The following CLTB variants were observed in gnomAD, a reference collection of about 807,000 sequenced individuals.
CLTB encodes clathrin light chain B.
A neutral mutation model predicts 30.5 loss-of-function variants in CLTB; 10 were observed. The ratio of observed to expected loss-of-function variants is 0.33; its 90% CI spans 0.20 to 0.56. CLTB has a LOEUF of 0.56. CLTB is among the 20% of genes least tolerant of loss of function. CLTB has a pLI of 0.91. For synonymous variants in CLTB, 102 were observed against 120.3 expected, an observed-to-expected ratio of 0.85 and a Z score of 1.00; for missense variants, 261 against 308.3, an observed-to-expected ratio of 0.85 and a Z score of 1.15.
Position 176,397,603 on chromosome 5 carries a change from TC to T in CLTB, c.464+3del, listed in dbSNP as rs767999789. 7.1e-7 allele frequency: 1 copy of T among 1,407,410 alleles called. No homozygotes were observed. Among genetic ancestry groups the T allele is most frequent in the Admixed American group, 1.9e-5 (1 of 51,330 alleles). The allele number at this position is 1,407,410 out of a possible 1,614,324, so 87.2% of individuals were successfully genotyped here. On this transcript the variant is annotated splice_donor_region_variant and intron_variant, in intron 4 of 5. Coordinates refer to ENST00000310418, the MANE Select transcript of CLTB (RefSeq NM_007097.5). ...GCCCCCTCATGTCCCTACAGCCCTC[TC>T]ACCGGTTGTTGATCTTGTTCTTCTC...
In CLTB at chr5:176,396,475, G is replaced by T; in HGVS notation, c.518+4C>A. 8 of 1,613,038 alleles carry T rather than the reference G, an allele frequency of 5.0e-6. No homozygotes were observed. The African/African-American group carries it at 5.3e-5, about 11-fold the overall frequency. On this transcript the variant is annotated splice_donor_region_variant and intron_variant, in intron 5 of 5. Coordinates refer to ENST00000310418, the MANE Select transcript of CLTB (RefSeq NM_007097.5). Reference sequence around the variant, plus strand: ...CCCAACAGAGAAGCAAAACAGACACGTACACGTAGCCGATGATATCAGCAT... The same window carrying T: ...CCCAACAGAGAAGCAAAACAGACACTTACACGTAGCCGATGATATCAGCAT...
rs146183137 is a variant in CLTB, at chr5:176,401,439, C to T, written c.235-3392G>A. On this transcript the variant is annotated intron_variant, in intron 2 of 5. Transcript: ENST00000310418. ...GTACTGAGCCCTTTCTCTGTGCCAG[C>T]CCATGTGGGTGTTTTGACAGGAATC... 4.6e-5 allele frequency among the ~76,000 whole-genome samples: 7 copies of T among 152,344 alleles called. No homozygotes were observed. The East Asian group carries it at 1.4e-3, about 29-fold the overall frequency.
At chr5:176,403,251 T>C (rs922527312) in intron 2 of CLTB, among the ~76,000 whole-genome samples, 3 of 152,056 alleles carry the variant, frequency 2.0e-5, no homozygotes, top group Non-Finnish European at 4.4e-5. Flanking sequence ...GGTTTTGCCA[T>C]GTTGGCCAGA....
In CLTB at chr5:176,416,218, C is replaced by A; in HGVS notation, c.146G>T (p.Gly49Val). ...CGGCTGCGCGGGGGCCGCATGGCTG[C>A]CGGCAGGTGCCCCGAAGCCCTCGTC... ...ENDEGFGAPA[G>V]SHAAPAQPGP... Residue 49 changes from glycine to valine, a missense_variant, in exon 1 of 6, where the codon GGC becomes GTC. Coordinates refer to ENST00000310418, the MANE Select transcript of CLTB (RefSeq NM_007097.5). The A allele has an allele frequency of 6.3e-7, 1 of 1,598,280 alleles. No homozygotes were observed. The highest frequency in any genetic ancestry group is 8.5e-7 in the Non-Finnish European group (1 of 1,174,726).
Position 176,392,951 on chromosome 5 carries a change from G to A in CLTB, c.519-6C>T, listed in dbSNP as rs1561789584. 5.6e-6 allele frequency: 9 copies of A among 1,613,932 alleles called. No homozygotes were observed. The highest frequency in any genetic ancestry group is 7.6e-6 in the Non-Finnish European group (9 of 1,179,968). On this transcript the variant is annotated splice_polypyrimidine_tract_variant and splice_region_variant and intron_variant, in intron 5 of 5. Coordinates refer to ENST00000310418, the MANE Select transcript of CLTB (RefSeq NM_007097.5). The surrounding 1 kb of genome is among the most constrained non-coding windows in gnomAD (Gnocchi z 5.2). ...CGAAAGCCTCCTCGGATGCCCTGCG[G>A]GTGGAGATAGGACGGGCTTTTATAG... is the stretch of plus-strand genomic sequence containing the variant.
rs551551330 is a variant in CLTB at position 176,393,936 on chromosome 5, A to G, written c.519-991T>C. On this transcript the variant is annotated intron_variant, in intron 5 of 5. Transcript: ENST00000310418. This position sits in a 1 kb window ranked among gnomAD's most constrained non-coding sequence, Gnocchi z 4.4. Reference sequence around the variant, plus strand: ...CCCTGGAAGCCCCCTCTCCATCTCAAGCAGGACCAGTTCTGCCGATGCCAG... The same window carrying G: ...CCCTGGAAGCCCCCTCTCCATCTCAGGCAGGACCAGTTCTGCCGATGCCAG... 6.6e-6 allele frequency among the ~76,000 whole-genome samples: 1 copy of G among 152,300 alleles called. No individual in the cohort carries two copies. The highest frequency in any genetic ancestry group is 6.5e-5 in the Admixed American group (1 of 15,302).
At chr5:176,405,770 C>T (rs917952134) in intron 2 of CLTB, 3 of 152,138 alleles carry the variant, frequency 2.0e-5, no homozygotes, top group African/African-American at 7.2e-5. Context: ...CTGCCACTCA[C>T]TGGACTCGCG....
In CLTB at chr5:176,416,342, A is replaced by G; in HGVS notation, c.22T>C (p.Phe8Leu). The change falls in exon 1 of 6, where the codon TTC becomes CTC. Residue 8 changes from phenylalanine to leucine, a missense_variant. By Grantham distance (22) the Phe-to-Leu change is conservative (BLOSUM62 0). This residue lies in a region of CLTB where 113 missense variants were observed against 102.5 expected (regional missense o/e 1.10). Transcript: ENST00000310418. MADDFGF[F>L]SSSESGAPEA... ...GGGGCACCGCTCTCCGACGACGAGAAGAAGCCAAAGTCATCAGCCATTTTC... is the reference window on the plus strand; with the variant it reads ...GGGGCACCGCTCTCCGACGACGAGAGGAAGCCAAAGTCATCAGCCATTTTC... 10 of 1,600,526 alleles carry G rather than the reference A, an allele frequency of 6.2e-6. No homozygotes were observed. The highest frequency in any genetic ancestry group is 8.5e-6 in the Non-Finnish European group (10 of 1,175,416).
intron 2 of CLTB, among the ~76,000 whole-genome samples, chr5:176,402,636 G>A (rs1015670587): frequency 2.0e-5 from 3 of 152,202 alleles, no homozygotes; most frequent in Non-Finnish European, 4.4e-5. Flanking sequence ...ACCCAGCACC[G>A]GGAGGGCCTG....
At chr5:176,399,461 G>A (rs1465852937) in intron 2 of CLTB, among the ~76,000 whole-genome samples, 1 of 152,192 alleles carries the variant, frequency 6.6e-6, no homozygotes, top group Non-Finnish European at 1.5e-5. Flanking sequence ...GAAAAATGGG[G>A]CTGGGCATGG....
At chr5:176,406,405 G>A in intron 2 of CLTB, 1 of 1,160,960 alleles carries the variant, frequency 8.6e-7, no homozygotes, top group East Asian at 7.1e-5. Context: ...ACCCACACCA[G>A]CCAAGCGTGT....
intron 2 of CLTB, among the ~76,000 whole-genome samples, chr5:176,402,954 A>G (rs1183329035): frequency 6.6e-6 from 1 of 152,126 alleles, no homozygotes; most frequent in Non-Finnish European, 1.5e-5. Context: ...AGATGCTGCC[A>G]GATGTGGGAG....
chr5:176,392,531 A>G lies in CLTB; in HGVS notation c.*243T>C. The G allele has an allele frequency of 1.9e-6, 1 of 515,504 alleles. No homozygotes were observed. Among genetic ancestry groups the G allele is most frequent in the Non-Finnish European group, 3.5e-6 (1 of 288,872 alleles). 31.9% of individuals were successfully genotyped at this position (515,504 alleles called of 1,614,324 possible). The stretch of plus-strand genomic sequence containing the variant: ...AACACACCCTTTAAGCCAAGAAAAA[A>G]AATACATCAGGAGGGACAGTCACAA... On this transcript the variant is annotated 3_prime_UTR_variant, in exon 6 of 6. Coordinates refer to ENST00000310418, the MANE Select transcript of CLTB (RefSeq NM_007097.5). This position sits in a 1 kb window ranked among gnomAD's most constrained non-coding sequence, Gnocchi z 5.2.
intron 2 of CLTB, among the ~76,000 whole-genome samples, chr5:176,399,133 C>T (rs564279584): frequency 6.6e-6 from 1 of 152,134 alleles, no homozygotes; most frequent in African/African-American, 2.4e-5. Context: ...CTTGAGCCAC[C>T]GTGACCAGCC....
At chr5:176,401,470 C>T (rs187401285) in intron 2 of CLTB, among the ~76,000 whole-genome samples, 2 of 152,326 alleles carry the variant, frequency 1.3e-5, no homozygotes, top group Admixed American at 6.5e-5. Context: ...GAATCCTGAA[C>T]GTCACTTCAC....
rs190730107 is a variant in CLTB at position 176,403,938 on chromosome 5, T to C, written c.235-5891A>G. Among the ~76,000 whole-genome samples, 19 of 151,796 alleles carry C rather than the reference T, an allele frequency of 1.3e-4. No homozygotes were observed. In the East Asian group the frequency reaches 1.6e-3, roughly 12 times the overall value. On this transcript the variant is annotated intron_variant, in intron 2 of 5. Transcript: ENST00000310418. The stretch of plus-strand genomic sequence containing the variant: ...ACCACACCCGACTAATGTTTTATTT[T>C]TAGTAGAGACAGGGTTTCATCATGT...
At chr5:176,405,577 A>C (rs1757067157) in intron 2 of CLTB, 1 of 152,144 alleles carries the variant, frequency 6.6e-6, no homozygotes, top group Non-Finnish European at 1.5e-5. Flanking sequence ...ATTTGCCTCC[A>C]TATCCGTTTA....
intron 2 of CLTB, among the ~76,000 whole-genome samples, chr5:176,400,826 A>G (rs1756781263): frequency 6.6e-6 from 1 of 152,214 alleles, no homozygotes; most frequent in Non-Finnish European, 1.5e-5. Context: ...AGTGCCTGGC[A>G]GGTGCTCAGT....
chr5:176,396,554 A>C (rs753694498), intron 4 of CLTB, 22 bp from the exon 5 acceptor site: 1 of 1,606,006 alleles, frequency 6.2e-7, no homozygotes, highest in African/African-American at 1.3e-5. Flanking sequence ...GGTTGAGGGA[A>C]GGGGTTAGGT....
Sources: allele counts gnomAD v4.1 joint callset (sites outside exome capture counted in the v4.1 genomes callset), GRCh38; gene constraint gnomAD v4.1.1; regional missense constraint gnomAD v4.1.1; non-coding constraint Gnocchi (gnomAD v3.1); transcripts MANE v1.5; gene names NCBI Gene and HGNC (gene_info 2026-07-23, HGNC 2026-07-21).